NUP153: variants seen among roughly 807,000 people sequenced by gnomAD.
The protein encoded by NUP153 is nuclear pore complex protein Nup153.
A neutral mutation model predicts 134.6 loss-of-function variants in NUP153; 27 were observed. The observed-to-expected ratio is 0.20, with a 90% confidence interval of 0.15 to 0.28. The LOEUF is 0.28. NUP153 is among the 10% of genes least tolerant of loss of function. NUP153 has a pLI of 1.00. For synonymous variants in NUP153, 640 were observed against 623.5 expected (o/e 1.03, Z -0.40); for missense variants, 1,821 against 1,731.3 (o/e 1.05, Z -0.92).
At chr6:17,674,797 TA>T in intron 5 of NUP153, 107 bp downstream of exon 5, 2 of 976,104 alleles carry the variant, frequency 2.0e-6, no homozygotes, top group African/African-American at 1.7e-5. Flanking sequence ...AAAAGAAAAA[TA>T]AAAAATAAAT....
chr6:17,637,525 C>G lies in NUP153; in HGVS notation c.2092G>C (p.Glu698Gln). The part of the protein sequence containing the change: ...PRDTAKQTGI[E>Q]TPNKSGKTTL... ...GTTTTGCCACTTTTATTTGGTGTTT[C>G]AATTCCAGTCTGTTTAGCAGTATCT... Residue 698 changes from glutamate to glutamine, a missense_variant, in exon 16 of 22, where the codon GAA (glutamate) becomes CAA (glutamine). Coordinates refer to ENST00000262077, the MANE Select transcript of NUP153 (RefSeq NM_005124.4). The G allele has an allele frequency of 6.2e-7, 1 of 1,614,222 alleles. No individual in the cohort carries two copies. The highest frequency in any genetic ancestry group is 1.1e-5 in the South Asian group (1 of 91,086).
intron 5 of NUP153, among the ~76,000 whole-genome samples, chr6:17,670,703 A>AT (rs1767854890): frequency 6.6e-6 from 1 of 152,050 alleles, no homozygotes; most frequent in Non-Finnish European, 1.5e-5. Flanking sequence ...TTGTTCAAAA[A>AT]TTTTTATCAT....
chr6:17,649,762 G>C (rs1442146547), intron 11 of NUP153, among the ~76,000 whole-genome samples: 1 of 151,996 alleles, frequency 6.6e-6, no homozygotes, highest in African/African-American at 2.4e-5. Flanking sequence ...CTATTTTATT[G>C]TTGTTGTTAA....
chr6:17,622,449 G>A (rs1327022269), intron 20 of NUP153, among the ~76,000 whole-genome samples: 2 of 152,112 alleles, frequency 1.3e-5, no homozygotes, highest in African/African-American at 4.8e-5. Flanking sequence ...TGTGCGGCAA[G>A]GTGAGACCCT....
chr6:17,701,224 T>TAAA, intron 1 of NUP153, among the ~76,000 whole-genome samples: 1 of 121,050 alleles, frequency 8.3e-6, no homozygotes, highest in African/African-American at 3.1e-5. Context: ...AAACTCTGTC[T>TAAA]AAAAAAAAAA....
chr6:17,628,695 T>C lies in NUP153; in HGVS notation c.3504A>G (p.Lys1168=). ...TTTGAGCTCCAAAGGCAAAAGTGGC[T>C]TTTGCTGGCTGTTCAGATTCCTTCT... The part of the protein sequence containing the change: ...PSEKESEQPA[K]ATFAFGAQTS... Residue 1168 remains lysine (K), a synonymous_variant, in exon 18 of 22, where the codon AAA becomes AAG. Transcript: ENST00000262077. This position sits in a 1 kb window ranked among gnomAD's most constrained non-coding sequence, Gnocchi z 5.4. 6.2e-7 allele frequency: 1 copy of C among 1,610,940 alleles called. No homozygotes were observed. Among genetic ancestry groups the C allele is most frequent in the Non-Finnish European group, 8.5e-7 (1 of 1,178,152 alleles).
At chr6:17,618,478 A>T (rs1399585636) in intron 20 of NUP153, among the ~76,000 whole-genome samples, 8 of 152,092 alleles carry the variant, frequency 5.3e-5, no homozygotes, top group African/African-American at 1.9e-4. Flanking sequence ...GTGGGGGGGA[A>T]CCCAGAGGGG....
Position 17,629,036 on chromosome 6 carries a change from T to C in NUP153, c.3163A>G (p.Thr1055Ala). ...KSSFNLGTIE[T>A]KSASVAPFTC... ...AAAGGAGCCACTGAAGCACTCTTGG[T>C]TTCTATGGTTCCAAGGTTGAAGCTG... The change falls in exon 18 of 22, where the codon ACC becomes GCC. Residue 1055 changes from threonine to alanine, a missense_variant. Transcript: ENST00000262077. 5 of 1,614,156 alleles carry C rather than the reference T, an allele frequency of 3.1e-6. No individual in the cohort carries two copies. The highest frequency in any genetic ancestry group is 4.2e-6 in the Non-Finnish European group (5 of 1,180,024).
chr6:17,641,739 C>CA (rs923534186), intron 14 of NUP153, among the ~76,000 whole-genome samples: 7 of 152,128 alleles, frequency 4.6e-5, no homozygotes, highest in African/African-American at 1.7e-4. Context: ...CCTGTAGTCC[C>CA]AGCTGCTCAG....
intron 2 of NUP153, among the ~76,000 whole-genome samples, chr6:17,685,392 A>G (rs1768859311): frequency 6.6e-6 from 1 of 150,734 alleles, no homozygotes; most frequent in Non-Finnish European, 1.5e-5. Flanking sequence ...CTAAAAATAC[A>G]AAAAAAAATA....
At position 17,629,198 on chromosome 6, in the gene NUP153, C is replaced by T; in HGVS notation, c.3001G>A (p.Gly1001Arg). ...NPVSLTPFQF[G>R]VSNLGQEEKK... ...TCTTCCTGTCCAAGATTAGATACCC[C>T]AAATTGAAATGGAGTTAAAGAAACT... is the stretch of plus-strand genomic sequence containing the variant. Residue 1001 changes from glycine to arginine, a missense_variant, in exon 18 of 22, where the codon GGG becomes AGG. Gly to Arg is a moderately radical substitution (Grantham distance 125). Transcript: ENST00000262077. 1.2e-6 allele frequency: 2 copies of T among 1,613,226 alleles called. No homozygotes were observed. The highest frequency in any genetic ancestry group is 1.7e-6 in the Non-Finnish European group (2 of 1,179,830).
At chr6:17,677,178 T>C (rs529231053) in intron 2 of NUP153, among the ~76,000 whole-genome samples, 4 of 152,166 alleles carry the variant, frequency 2.6e-5, no homozygotes, top group African/African-American at 7.2e-5. Flanking sequence ...GCCCACCACA[T>C]TGGGAGGCTT....
chr6:17,680,404 TG>T lies in NUP153; in HGVS notation c.335-4635del, dbSNP rs927917185. ...GGTTTTGGAAAACTGGATATCCACA[TG>T]AAAAAGAATGAACCCTTATCTTGAA... On this transcript the variant is annotated intron_variant, in intron 2 of 21. Coordinates refer to ENST00000262077, the MANE Select transcript of NUP153 (RefSeq NM_005124.4). The surrounding 1 kb of genome is among the most constrained non-coding windows in gnomAD (Gnocchi z 4.5). Among the ~76,000 whole-genome samples, 4 of 152,100 alleles carry T rather than the reference TG, an allele frequency of 2.6e-5. No homozygotes were observed. Among genetic ancestry groups the T allele is most frequent in the Admixed American group, 2.6e-4 (4 of 15,264 alleles).
At chr6:17,637,848 G>A (rs1765639949) in intron 15 of NUP153, 78 bp from the exon 16 acceptor site, 2 of 1,458,292 alleles carry the variant, frequency 1.4e-6, no homozygotes, top group Non-Finnish European at 1.8e-6. Flanking sequence ...TTATTACTGA[G>A]AAGACGTTTA....
intron 1 of NUP153, among the ~76,000 whole-genome samples, chr6:17,690,559 T>C (rs1769215318): frequency 6.6e-6 from 1 of 152,076 alleles, no homozygotes; most frequent in Non-Finnish European, 1.5e-5. Flanking sequence ...AACAGAAACA[T>C]ACTGAAAACT....
chr6:17,648,554 T>C (rs979070793), intron 12 of NUP153, among the ~76,000 whole-genome samples: 1 of 151,138 alleles, frequency 6.6e-6, no homozygotes, highest in Non-Finnish European at 1.5e-5. Context: ...GAGGTGGAGG[T>C]TGCAGTGAGC....
At chr6:17,676,695 A>G (rs965167809) in intron 2 of NUP153, among the ~76,000 whole-genome samples, 3 of 152,212 alleles carry the variant, frequency 2.0e-5, no homozygotes, top group African/African-American at 7.2e-5. Flanking sequence ...CAGCACAAAA[A>G]AAAACTCACA....
At chr6:17,682,417 C>T (rs1183849333) in intron 2 of NUP153, among the ~76,000 whole-genome samples, 2 of 152,092 alleles carry the variant, frequency 1.3e-5, no homozygotes. Context: ...ATGAAGTTTG[C>T]CTCATCGACT....
At chr6:17,691,238 A>G (rs912173430) in intron 1 of NUP153, among the ~76,000 whole-genome samples, 4 of 152,228 alleles carry the variant, frequency 2.6e-5, no homozygotes, top group Non-Finnish European at 5.9e-5. Context: ...ATCTACAAGT[A>G]AGCTCTCTAT....
Sources: allele counts gnomAD v4.1 joint callset (sites outside exome capture counted in the v4.1 genomes callset), GRCh38; gene constraint gnomAD v4.1.1; non-coding constraint Gnocchi (gnomAD v3.1); transcripts MANE v1.5; gene names NCBI Gene and HGNC (gene_info 2026-07-23, HGNC 2026-07-21).